TRIM14: variants seen among roughly 807,000 people sequenced by gnomAD.
TRIM14 encodes the protein tripartite motif containing 14, also known as tripartite motif-containing protein 14.
TRIM14 carries 28 observed loss-of-function variants against 44.5 expected under a neutral mutation model. The ratio of observed to expected loss-of-function variants is 0.63; its 90% confidence interval spans 0.47 to 0.86. TRIM14 has a LOEUF of 0.86. TRIM14 is among the 40% of genes least tolerant of loss of function. TRIM14 has a pLI of 0.00. For missense variants in TRIM14, 607 were observed against 611.1 expected (o/e 0.99, Z 0.07); for synonymous variants, 299 against 269.2 (o/e 1.11, Z -1.08).
intron 3 of TRIM14, among the ~76,000 whole-genome samples, chr9:98,097,672 G>A (rs939040335): frequency 6.6e-6 from 1 of 152,102 alleles, no homozygotes; most frequent in African/African-American, 2.4e-5. Flanking sequence ...AGTACATATT[G>A]ATGAATAAAC....
chr9:98,052,988 T>A, the TRIM14 span, among the ~76,000 whole-genome samples: 2 of 151,846 alleles, frequency 1.3e-5, no homozygotes, highest in Admixed American at 1.3e-4. Context: ...ATAATTAGAG[T>A]CTCCCCAAAG....
chr9:98,060,658 G>A, the TRIM14 span: 236,114 of 979,086 alleles, frequency 0.24, 36,487 homozygotes, highest in African/African-American at 0.62. Flanking sequence ...GTGAAAGAGC[G>A]AAACTCTGTC....
At chr9:98,050,598 C>T in the TRIM14 span, among the ~76,000 whole-genome samples, 66 of 152,226 alleles carry the variant, frequency 4.3e-4, no homozygotes, top group African/African-American at 1.5e-3. Flanking sequence ...AAAACAATGG[C>T]CTCCCCTAAT....
At chr9:98,114,034 G>A (rs187223293) in intron 1 of TRIM14, among the ~76,000 whole-genome samples, 12 of 152,274 alleles carry the variant, frequency 7.9e-5, no homozygotes, top group Admixed American at 4.6e-4. Context: ...GCATAACCAG[G>A]ACCCCTGGAA....
chr9:98,055,750 T>C, the TRIM14 span, among the ~76,000 whole-genome samples: 2 of 152,138 alleles, frequency 1.3e-5, no homozygotes, highest in African/African-American at 4.8e-5. Flanking sequence ...TTAATTTATT[T>C]ATTTTTGAGA....
At chr9:98,043,181 C>T in the TRIM14 span, among the ~76,000 whole-genome samples, 2 of 127,888 alleles carry the variant, frequency 1.6e-5, no homozygotes, top group Non-Finnish European at 3.2e-5. Flanking sequence ...CCTAAATTTG[C>T]ATTTTTTTTT....
At chr9:98,110,768 G>A (rs1476077376) in intron 1 of TRIM14, among the ~76,000 whole-genome samples, 2 of 152,022 alleles carry the variant, frequency 1.3e-5, no homozygotes, top group South Asian at 2.1e-4. Flanking sequence ...CACTTTGGGA[G>A]GCTGAGGTAG....
chr9:98,081,002 C>T (rs779299733), downstream of TRIM14: 24 of 1,614,042 alleles, frequency 1.5e-5, no homozygotes, highest in South Asian at 1.4e-4. Flanking sequence ...CGAGCTGGTG[C>T]GGTCAGTGCG....
chr9:98,061,227 G>A, the TRIM14 span: 25 of 504,384 alleles, frequency 5.0e-5, no homozygotes, highest in African/African-American at 3.1e-4. Context: ...CTGTAATCCC[G>A]GCACTTTGGG....
intron 3 of TRIM14, among the ~76,000 whole-genome samples, chr9:98,099,042 C>A (rs1383617048): frequency 3.9e-5 from 6 of 152,086 alleles, no homozygotes. Context: ...TTAGACTCTT[C>A]CTCAACAAAG....
At chr9:98,118,132 G>A (rs948161959) in intron 1 of TRIM14, among the ~76,000 whole-genome samples, 10 of 152,130 alleles carry the variant, frequency 6.6e-5, no homozygotes, top group Admixed American at 6.5e-4. Context: ...CAAGTGGTAG[G>A]ATCAACAGCT....
chr9:98,085,914 A>C lies in TRIM14; in HGVS notation c.*1556T>G, dbSNP rs1489694123. Reference sequence around the variant, plus strand: ...GCACCTATGAAGATGCTTTAACAGAATATAACTTCAAAACCGTCTAGGGAA... The same window carrying C: ...GCACCTATGAAGATGCTTTAACAGACTATAACTTCAAAACCGTCTAGGGAA... On this transcript the variant is annotated 3_prime_UTR_variant, in exon 6 of 6. Transcript: ENST00000341469. 1 of 152,196 alleles carries C rather than the reference A, an allele frequency of 6.6e-6. No homozygotes were observed. Among genetic ancestry groups the C allele is most frequent in the East Asian group, 1.9e-4 (1 of 5,202 alleles). The allele number at this position is 152,196 out of a possible 1,614,324, so 9.4% of individuals were successfully genotyped here.
At chr9:98,058,936 C>G in the TRIM14 span, among the ~76,000 whole-genome samples, 1 of 152,156 alleles carries the variant, frequency 6.6e-6, no homozygotes, top group Admixed American at 6.6e-5. Flanking sequence ...TTTGAACTTT[C>G]CAGCATCAAG....
chr9:98,048,064 C>CAAAAAAAAAAAA, the TRIM14 span, among the ~76,000 whole-genome samples: 5 of 107,572 alleles, frequency 4.6e-5, no homozygotes, highest in African/African-American at 1.4e-4. Context: ...GACTCCTTCT[C>CAAAAAAAAAAAA]AAAAAAAAAA....
intron 6 of TRIM14, chr9:98,075,395 GAGGGAGGGAGGAAGGAA>G (rs1816760944): frequency 6.7e-6 from 1 of 150,112 alleles, no homozygotes; most frequent in Admixed American, 6.6e-5. Context: ...GAAACGGTGG[GAGGGAGGGAGGAAGGAA>G]AGGGAGAGAG....
intron 6 of TRIM14, among the ~76,000 whole-genome samples, chr9:98,077,752 T>C (rs1456438359): frequency 1.3e-5 from 2 of 152,128 alleles, no homozygotes; most frequent in Non-Finnish European, 2.9e-5. Context: ...TGATGCTTGA[T>C]ACTTATTTCA....
At chr9:98,035,922 C>T in the TRIM14 span, among the ~76,000 whole-genome samples, 1,840 of 152,274 alleles carry the variant, frequency 0.012, 43 homozygotes, top group African/African-American at 0.043. Flanking sequence ...ATTAAGAAGT[C>T]CTTGTAGGCC....
chr9:98,109,441 C>T (rs1055019989), intron 2 of TRIM14, among the ~76,000 whole-genome samples: 1 of 152,198 alleles, frequency 6.6e-6, no homozygotes, highest in African/African-American at 2.4e-5. Flanking sequence ...TCCACTCAAA[C>T]ATCATTATGA....
chr9:98,096,679 A>G (rs978497817), intron 3 of TRIM14, among the ~76,000 whole-genome samples: 3 of 151,696 alleles, frequency 2.0e-5, no homozygotes, highest in Admixed American at 1.3e-4. Context: ...TCCAATTCCA[A>G]TCTCCATTCC....
Sources: gnomAD v4.1 joint callset for allele counts (sites outside exome capture counted in the v4.1 genomes callset) on GRCh38, gnomAD v4.1.1 for gene constraint, MANE v1.5 for transcripts, NCBI Gene and HGNC (gene_info 2026-07-23, HGNC 2026-07-21) for gene names.